The following SDK2 variants were observed in gnomAD, a reference collection of about 807,000 sequenced individuals.
SDK2 encodes the protein sidekick cell adhesion molecule 2.
Under a neutral mutation model 253.9 loss-of-function variants are expected in SDK2, and 105 were observed. That is an observed-to-expected ratio of 0.41 (90% CI 0.35 to 0.49). The LOEUF (loss-of-function observed/expected upper bound fraction) is 0.49. Among genes scored for constraint, SDK2 ranks in the 20% least tolerant of loss-of-function variants. SDK2 has a pLI of 0.06. For synonymous variants in SDK2, 1,249 were observed against 1,234.9 expected, an observed-to-expected ratio of 1.01 and a Z score of -0.24; for missense variants, 2,608 against 3,003.0, an observed-to-expected ratio of 0.87 and a Z score of 3.07.
chr17:73,609,696 T>G lies in SDK2; in HGVS notation c.64+34329A>C, dbSNP rs1023037942. Among the ~76,000 whole-genome samples the G allele has an allele frequency of 1.3e-5, 2 of 152,140 alleles. No homozygotes were observed. Among genetic ancestry groups the G allele is most frequent in the Non-Finnish European group, 2.9e-5 (2 of 68,028 alleles). ...GGTAATGGGTACCCTCTTACCTACG[T>G]GCAGTTTACAAGAGTTCTCCAGGGT... On this transcript the variant is annotated intron_variant, in intron 1 of 44. Coordinates refer to ENST00000392650, the MANE Select transcript of SDK2 (RefSeq NM_001144952.2). This position sits in a 1 kb window ranked among gnomAD's most constrained non-coding sequence, Gnocchi z 4.4.
At chr17:73,438,272 C>T in intron 6 of SDK2, 118 bp from the exon 7 acceptor site, 1 of 843,804 alleles carries the variant, frequency 1.2e-6, no homozygotes, top group Admixed American at 2.8e-5. Flanking sequence ...GGTTTGCCAC[C>T]TTCCTGCCAC....
chr17:73,382,385 A>C (rs1465888286), intron 33 of SDK2, among the ~76,000 whole-genome samples: 3 of 152,090 alleles, frequency 2.0e-5, no homozygotes, highest in Non-Finnish European at 2.9e-5. Flanking sequence ...TGGATAGAGG[A>C]TATTTAGGGA....
At chr17:73,594,159 T>TCTGGCCAGCCTCTGAGG (rs1407412552) in intron 1 of SDK2, among the ~76,000 whole-genome samples, 1 of 152,138 alleles carries the variant, frequency 6.6e-6, no homozygotes, top group Non-Finnish European at 1.5e-5. Flanking sequence ...GGTGGTTCAC[T>TCTGGCCAGCCTCTGAGG]CTGGCCAGCC....
In SDK2 at chr17:73,348,629, C is replaced by T. The variant is rs751953509; in HGVS notation, c.6135G>A (p.Thr2045=). The T allele has an allele frequency of 1.4e-5, 23 of 1,612,986 alleles. No individual in the cohort carries two copies. Among genetic ancestry groups the T allele is most frequent in the Admixed American group, 3.3e-5 (2 of 60,006 alleles). The change falls in exon 44 of 45, where the codon ACG becomes ACA. Residue 2045 remains threonine (T), a synonymous_variant. Transcript: ENST00000392650. Reference sequence around the variant, plus strand: ...AGTCGGAGATTTCTGAGGGCTTCTCCGTCAGGCTGCTGCTCTCTGCAGGGA... The same window carrying T: ...AGTCGGAGATTTCTGAGGGCTTCTCTGTCAGGCTGCTGCTCTCTGCAGGGA... ...DLIPAESSSL[T]EKPSEISDSQ... is the part of the protein sequence containing the mutation.
Position 73,435,747 on chromosome 17 carries a change from C to A in SDK2, c.1001-103G>T, listed in dbSNP as rs1333247598. Reference sequence around the variant, plus strand: ...CGGGCCCGGAAATCTGCGAGGGGGTCCCTGGTGAATCTTGGTGTCTAGAAC... The same window carrying A: ...CGGGCCCGGAAATCTGCGAGGGGGTACCTGGTGAATCTTGGTGTCTAGAAC... On this transcript the variant is annotated intron_variant, in intron 8 of 44. Coordinates refer to ENST00000392650, the MANE Select transcript of SDK2 (RefSeq NM_001144952.2). This position sits in a 1 kb window ranked among gnomAD's most constrained non-coding sequence, Gnocchi z 5.7. 2.8e-6 allele frequency: 3 copies of A among 1,077,454 alleles called. No homozygotes were observed. In the African/African-American group the frequency reaches 4.7e-5, roughly 17 times the overall value. 66.7% of individuals were successfully genotyped at this position (1,077,454 alleles called of 1,614,324 possible).
chr17:73,388,107 G>T, intron 29 of SDK2, 70 bp from the exon 30 acceptor site: 1 of 1,111,304 alleles, frequency 9.0e-7, no homozygotes, highest in Non-Finnish European at 1.3e-6. Context: ...GGACTTTCTC[G>T]AGGGAGGAAA....
At chr17:73,450,937 T>A (rs543078296) in intron 4 of SDK2, among the ~76,000 whole-genome samples, 1 of 152,330 alleles carries the variant, frequency 6.6e-6, no homozygotes, top group Non-Finnish European at 1.5e-5. Context: ...ATGGCAGAGA[T>A]GGCCGCTGCC....
Position 73,385,917 on chromosome 17 carries a change from G to A in SDK2, c.4499C>T (p.Ala1500Val), listed in dbSNP as rs1444294007. ...ESESLTTLQA[A>V]PDEAPTILSV... Reference sequence around the variant, plus strand: ...GAGGATGGTGGGTGCTTCATCGGGGGCTGTGGAGAGAAGCAGACAGGTGGG... The same window carrying A: ...GAGGATGGTGGGTGCTTCATCGGGGACTGTGGAGAGAAGCAGACAGGTGGG... Residue 1500 changes from alanine to valine, a missense_variant and splice_region_variant, in exon 32 of 45, where the codon GCC becomes GTC. Physicochemically the swap from Ala to Val is moderately conservative, Grantham distance 64. Transcript: ENST00000392650. The A allele has an allele frequency of 1.2e-6, 2 of 1,600,508 alleles. No homozygotes were observed. The highest frequency in any genetic ancestry group is 2.2e-5 in the East Asian group (1 of 44,512).
At chr17:73,448,787 A>C (rs1477967352) in intron 4 of SDK2, among the ~76,000 whole-genome samples, 1 of 151,608 alleles carries the variant, frequency 6.6e-6, no homozygotes, top group African/African-American at 2.4e-5. Flanking sequence ...CAGCCTCCTG[A>C]GTAGCTGGGA....
intron 21 of SDK2, 25 bp downstream of exon 21, chr17:73,400,995 T>C (rs779988173): frequency 3.2e-6 from 5 of 1,549,886 alleles, no homozygotes; most frequent in Non-Finnish European, 4.4e-6. Context: ...ACTCAAAGAG[T>C]CCTGCCTTGA....
chr17:73,342,684 T>C (rs745961899), intron 44 of SDK2, among the ~76,000 whole-genome samples: 5 of 152,182 alleles, frequency 3.3e-5, no homozygotes, highest in Non-Finnish European at 7.4e-5. Flanking sequence ...CCTGGGTGAC[T>C]GTGGGACCAT....
intron 3 of SDK2, among the ~76,000 whole-genome samples, chr17:73,471,346 C>T (rs1351442755): frequency 6.6e-6 from 1 of 152,128 alleles, no homozygotes; most frequent in Non-Finnish European, 1.5e-5. Context: ...ACCTGTAAAC[C>T]CAGCACTTTG....
chr17:73,433,700 A>G, intron 10 of SDK2, 32 bp downstream of exon 10: 1 of 1,499,614 alleles, frequency 6.7e-7, no homozygotes, highest in South Asian at 1.2e-5. Flanking sequence ...GCTATCACCC[A>G]GCCACACTCT....
intron 1 of SDK2, among the ~76,000 whole-genome samples, chr17:73,564,212 TTAAAATTAAA>T (rs767721824): frequency 1.2e-4 from 19 of 152,354 alleles, no homozygotes; most frequent in Non-Finnish European, 2.4e-4. Context: ...TTTAAGTTAA[TTAAAATTAAA>T]TAAAATTAAA....
Position 73,345,306 on chromosome 17 carries a change from C to T in SDK2, c.6165+3293G>A, listed in dbSNP as rs181299076. 2.6e-3 allele frequency among the ~76,000 whole-genome samples: 388 copies of T among 150,264 alleles called. 4 individuals are homozygous for T. The highest frequency in any genetic ancestry group is 9.1e-3 in the African/African-American group (373 of 40,872). Reference sequence around the variant, plus strand: ...TGCACTCCAGCCTGGGGGACAAGAGCGAGACTTCATTTCAAAAAAAAAAGA... The same window carrying T: ...TGCACTCCAGCCTGGGGGACAAGAGTGAGACTTCATTTCAAAAAAAAAAGA... On this transcript the variant is annotated intron_variant, in intron 44 of 44. Transcript: ENST00000392650.
At chr17:73,366,280 GAAGCCTCGGGTTCC>G (rs757151628) in intron 37 of SDK2, among the ~76,000 whole-genome samples, 69 of 152,304 alleles carry the variant, frequency 4.5e-4, no homozygotes, top group Non-Finnish European at 9.0e-4. Flanking sequence ...CGCAGTGACG[GAAGCCTCGGGTTCC>G]CTGGGGTTCG....
At chr17:73,391,997 G>A (rs1599516914) in intron 27 of SDK2, among the ~76,000 whole-genome samples, 1 of 152,152 alleles carries the variant, frequency 6.6e-6, no homozygotes, top group East Asian at 1.9e-4. Flanking sequence ...CTGGGACCCC[G>A]GAATTCCCTG....
intron 26 of SDK2, 76 bp from the exon 27 acceptor site, chr17:73,393,825 C>G: frequency 6.0e-6 from 7 of 1,175,668 alleles, no homozygotes; most frequent in Non-Finnish European, 8.2e-6. Context: ...GTCTCATCCC[C>G]AGGATGAGCA....
chr17:73,529,296 C>G (rs2064151033), intron 1 of SDK2, among the ~76,000 whole-genome samples: 1 of 152,094 alleles, frequency 6.6e-6, no homozygotes, highest in African/African-American at 2.4e-5. Context: ...GGGTCTGCCT[C>G]CACCACTGGA....
Sources: gnomAD v4.1 joint callset for allele counts (sites outside exome capture counted in the v4.1 genomes callset) on GRCh38, gnomAD v4.1.1 for gene constraint, Gnocchi (gnomAD v3.1) non-coding constraint, MANE v1.5 for transcripts, NCBI Gene and HGNC (gene_info 2026-07-23, HGNC 2026-07-21) for gene names.